TCERG1L: variants seen among roughly 807,000 people sequenced by gnomAD.
The protein encoded by TCERG1L is transcription elongation regulator 1-like protein.
TCERG1L carries 37 observed loss-of-function variants against 56.3 expected under a neutral mutation model. That is an observed-to-expected ratio of 0.66 (90% CI 0.51 to 0.87). TCERG1L has a LOEUF of 0.87. Among genes scored for constraint, TCERG1L ranks in the 40% least tolerant of loss-of-function variants. The pLI is 0.00. For missense variants in TCERG1L, 799 were observed against 774.2 expected (o/e 1.03, Z -0.38); for synonymous variants, 324 against 326.3 (o/e 0.99, Z 0.08).
intron 4 of TCERG1L, among the ~76,000 whole-genome samples, chr10:131,227,016 C>A (rs1845796965): frequency 6.6e-6 from 1 of 152,258 alleles, no homozygotes. Flanking sequence ...GGCCCCCTCG[C>A]AGGCACTCTC....
At chr10:131,158,152 C>T (rs763734339) in intron 6 of TCERG1L, among the ~76,000 whole-genome samples, 9 of 152,250 alleles carry the variant, frequency 5.9e-5, no homozygotes, top group Non-Finnish European at 1.0e-4. Flanking sequence ...GCCGGCATTC[C>T]GTATGGATTC....
intron 6 of TCERG1L, among the ~76,000 whole-genome samples, chr10:131,153,814 C>T (rs915355212): frequency 6.6e-6 from 1 of 152,046 alleles, no homozygotes; most frequent in Non-Finnish European, 1.5e-5. Flanking sequence ...GAGATTACAC[C>T]CAGGAGGAGG....
chr10:131,286,035 AAAAAT>A (rs1589772772), intron 3 of TCERG1L, among the ~76,000 whole-genome samples: 2 of 152,232 alleles, frequency 1.3e-5, no homozygotes, highest in African/African-American at 4.8e-5. Context: ...TAATCAATAT[AAAAAT>A]AATATTTTAA....
At chr10:131,172,685 G>C (rs753766101) in intron 4 of TCERG1L, among the ~76,000 whole-genome samples, 1 of 152,172 alleles carries the variant, frequency 6.6e-6, no homozygotes, top group Non-Finnish European at 1.5e-5. Context: ...CTGTCCAGTC[G>C]CCTCCATTCT....
chr10:131,253,284 G>A (rs1022865742), intron 4 of TCERG1L, among the ~76,000 whole-genome samples: 2 of 152,156 alleles, frequency 1.3e-5, no homozygotes, highest in Non-Finnish European at 2.9e-5. Context: ...GACATCCTGG[G>A]AAAATCCTCG....
At chr10:131,304,985 G>A in intron 3 of TCERG1L, among the ~76,000 whole-genome samples, 1 of 152,080 alleles carries the variant, frequency 6.6e-6, no homozygotes, top group Non-Finnish European at 1.5e-5. Context: ...GGAATTGCCT[G>A]ATTACAAAAT....
chr10:131,110,398 G>A (rs1158882901), intron 9 of TCERG1L, among the ~76,000 whole-genome samples: 1 of 152,114 alleles, frequency 6.6e-6, no homozygotes, highest in East Asian at 1.9e-4. Flanking sequence ...TGTGGCCCTG[G>A]TGGTCTCACC....
intron 3 of TCERG1L, among the ~76,000 whole-genome samples, chr10:131,273,205 C>T (rs545442894): frequency 3.3e-5 from 5 of 152,304 alleles, no homozygotes; most frequent in South Asian, 2.1e-4. Context: ...AGGGGCTGCC[C>T]GTGTAGACAG....
At chr10:131,288,996 G>A (rs1484444889) in intron 3 of TCERG1L, among the ~76,000 whole-genome samples, 1 of 152,166 alleles carries the variant, frequency 6.6e-6, no homozygotes, top group Non-Finnish European at 1.5e-5. Flanking sequence ...CCCTAGACAC[G>A]GAATCCACTA....
chr10:131,269,623 A>G (rs1846318655), intron 3 of TCERG1L, among the ~76,000 whole-genome samples: 1 of 152,232 alleles, frequency 6.6e-6, no homozygotes, highest in South Asian at 2.1e-4. Flanking sequence ...CCCATCTTAT[A>G]CAGGTGAAGT....
chr10:131,247,465 C>T (rs1427878894), intron 4 of TCERG1L, among the ~76,000 whole-genome samples: 1 of 152,162 alleles, frequency 6.6e-6, no homozygotes, highest in African/African-American at 2.4e-5. Context: ...CCTTAAGTGT[C>T]CTCAGTCAAG....
At chr10:131,138,082 AACATGGTGAAACCCCGTCTCT>A (rs1423933880) in intron 7 of TCERG1L, among the ~76,000 whole-genome samples, 1 of 152,216 alleles carries the variant, frequency 6.6e-6, no homozygotes, top group African/African-American at 2.4e-5. Context: ...CAGCCTGGCC[AACATGGTGAAACCCCGTCTCT>A]ACCAAAAATA....
At chr10:131,253,016 G>A (rs1482991602) in intron 4 of TCERG1L, among the ~76,000 whole-genome samples, 2 of 152,246 alleles carry the variant, frequency 1.3e-5, no homozygotes, top group East Asian at 3.9e-4. Context: ...CCATGTGCCT[G>A]ATTGAGGCCG....
chr10:131,098,816 G>A (rs553111779), intron 10 of TCERG1L, among the ~76,000 whole-genome samples: 27 of 152,286 alleles, frequency 1.8e-4, no homozygotes, highest in African/African-American at 6.3e-4. Flanking sequence ...TGTAACGCGC[G>A]GCCTCCCACT....
At chr10:131,183,680 C>G (rs1771813553) in intron 4 of TCERG1L, among the ~76,000 whole-genome samples, 1 of 152,200 alleles carries the variant, frequency 6.6e-6, no homozygotes, top group African/African-American at 2.4e-5. Flanking sequence ...TACACCCATG[C>G]CCCGCCACTG....
At chr10:131,165,510 T>C (rs1846021511) in intron 5 of TCERG1L, among the ~76,000 whole-genome samples, 1 of 152,120 alleles carries the variant, frequency 6.6e-6, no homozygotes, top group African/African-American at 2.4e-5. Flanking sequence ...TGTGAGAAAA[T>C]AAGGTCAGGA....
At chr10:131,190,952 C>T (rs1033101960) in intron 4 of TCERG1L, among the ~76,000 whole-genome samples, 4 of 144,012 alleles carry the variant, frequency 2.8e-5, no homozygotes, top group African/African-American at 1.0e-4. Context: ...ATGATATGAT[C>T]GTATACCTAG....
At chr10:131,240,703 G>A (rs1039589093) in intron 4 of TCERG1L, among the ~76,000 whole-genome samples, 17 of 152,226 alleles carry the variant, frequency 1.1e-4, no homozygotes, top group African/African-American at 3.6e-4. Flanking sequence ...CAGGGAAGGT[G>A]ACTGAGTCGG....
rs150073485 is a variant in TCERG1L at position 131,138,194 on chromosome 10, G to A, written c.1190-3746C>T. ...TGAGGCAGGAGAATTTTTTGAACCCGGGAGAGTTCAATTTTTTGAACTCTG... is the reference window on the plus strand; with the variant it reads ...TGAGGCAGGAGAATTTTTTGAACCCAGGAGAGTTCAATTTTTTGAACTCTG... On this transcript the variant is annotated intron_variant, in intron 7 of 11. Transcript: ENST00000368642. Among the ~76,000 whole-genome samples, 914 of 152,234 alleles carry A rather than the reference G, an allele frequency of 6.0e-3. 3 individuals carry two copies. The highest frequency in any genetic ancestry group is 0.01 in the Non-Finnish European group (693 of 68,012).
Sources: allele counts gnomAD v4.1 joint callset (sites outside exome capture counted in the v4.1 genomes callset), GRCh38; gene constraint gnomAD v4.1.1; transcripts MANE v1.5; gene names NCBI Gene and HGNC (gene_info 2026-07-23, HGNC 2026-07-21).